The following LZTS1 variants were observed in gnomAD, a reference collection of about 807,000 sequenced individuals.
LZTS1 encodes leucine zipper tumor suppressor 1, also known as leucine zipper putative tumor suppressor 1.
A neutral mutation model predicts 45.8 loss-of-function variants in LZTS1; 31 were observed. The observed-to-expected ratio is 0.68, with a 90% CI of 0.51 to 0.91. The LOEUF (loss-of-function observed/expected upper bound fraction) is 0.91, where lower values mean the gene tolerates loss of function less well. Ranked by LOEUF, LZTS1 falls within the 40% of genes least tolerant of loss-of-function variation. The pLI, the probability that LZTS1 is intolerant of heterozygous loss-of-function variation, is 0.00. For missense variants in LZTS1, 821 were observed against 788.9 expected (o/e 1.04, Z -0.49); for synonymous variants, 359 against 357.3 (o/e 1.00, Z -0.05).
At chr8:20,296,090 T>C (rs1357643088) in intron 1 of LZTS1, among the ~76,000 whole-genome samples, 3 of 152,232 alleles carry the variant, frequency 2.0e-5, no homozygotes, top group African/African-American at 7.2e-5. Context: ...GTACAGCAAG[T>C]TGAGACCAAT....
chr8:20,280,532 C>A lies in LZTS1; in HGVS notation c.-135+23208G>T, dbSNP rs919034824. 4.6e-5 allele frequency among the ~76,000 whole-genome samples: 7 copies of A among 152,182 alleles called. 1 individual carries two copies. The East Asian group carries it at 1.3e-3, about 29-fold the overall frequency. ...GGAGGCGCGTGCACATGTGTTCAGACCCCATGTCCCATTAGCAGTGAGAAC... is the reference window on the plus strand; with the variant it reads ...GGAGGCGCGTGCACATGTGTTCAGAACCCATGTCCCATTAGCAGTGAGAAC... On this transcript the variant is annotated intron_variant, in intron 1 of 3. Coordinates refer to ENST00000381569, the MANE Select transcript of LZTS1 (RefSeq NM_021020.5).
At chr8:20,270,523 G>T (rs1177335012) in intron 1 of LZTS1, among the ~76,000 whole-genome samples, 1 of 152,176 alleles carries the variant, frequency 6.6e-6, no homozygotes, top group Non-Finnish European at 1.5e-5. Context: ...AGAGTATGGC[G>T]AAGGACAGAG....
At chr8:20,263,814 A>C (rs1800295292) in intron 1 of LZTS1, among the ~76,000 whole-genome samples, 1 of 152,120 alleles carries the variant, frequency 6.6e-6, no homozygotes, top group South Asian at 2.1e-4. Flanking sequence ...GTGTCTCCCG[A>C]AGGCTCGCCT....
At chr8:20,301,210 G>C (rs917873930) in intron 1 of LZTS1, among the ~76,000 whole-genome samples, 1 of 151,578 alleles carries the variant, frequency 6.6e-6, no homozygotes, top group Non-Finnish European at 1.5e-5. Flanking sequence ...AGAAGAAACA[G>C]TGTTTCTATG....
chr8:20,286,190 G>T (rs1181659701), intron 1 of LZTS1, among the ~76,000 whole-genome samples: 1 of 152,082 alleles, frequency 6.6e-6, no homozygotes. Flanking sequence ...TCTCAACTTG[G>T]AATGAAAAGG....
rs1467104584 is a variant in LZTS1 at position 20,251,976 on chromosome 8, T to A, written c.1149+806A>T. 2.0e-5 allele frequency among the ~76,000 whole-genome samples: 3 copies of A among 152,066 alleles called. No homozygotes were observed. The East Asian group carries it at 5.8e-4, about 29-fold the overall frequency. ...CATAGCCAGGGGTTTGCGTGTAGACTGAGAGTTGGACTCTGAACTGGGGGT... is the reference window on the plus strand; with the variant it reads ...CATAGCCAGGGGTTTGCGTGTAGACAGAGAGTTGGACTCTGAACTGGGGGT... On this transcript the variant is annotated intron_variant, in intron 3 of 3. Transcript: ENST00000381569.
chr8:20,250,377 G>A lies in LZTS1; in HGVS notation c.1150-14C>T, dbSNP rs750261217. 2.5e-6 allele frequency: 4 copies of A among 1,574,388 alleles called. No homozygotes were observed. Among genetic ancestry groups the A allele is most frequent in the African/African-American group, 2.7e-5 (2 of 74,140 alleles). ...CTTCTGGCACACCTGCCGAGGGTGG[G>A]GTGGAGACAGAGTGCCAAGAGGTGA... On this transcript the variant is annotated splice_polypyrimidine_tract_variant and intron_variant, in intron 3 of 3. Coordinates refer to ENST00000381569, the MANE Select transcript of LZTS1 (RefSeq NM_021020.5).
At chr8:20,297,405 GTGTT>G (rs111674993) in intron 1 of LZTS1, among the ~76,000 whole-genome samples, 3,207 of 151,928 alleles carry the variant, frequency 0.021, 91 homozygotes, top group East Asian at 0.11. Context: ...CTACTTTATT[GTGTT>G]TGTTTGTTTG....
intron 2 of LZTS1, 36 bp from the exon 3 acceptor site, chr8:20,253,621 C>T (rs756543463): frequency 3.5e-6 from 5 of 1,411,816 alleles, no homozygotes; most frequent in Non-Finnish European, 4.6e-6. Context: ...CTCATGCCTC[C>T]CCTGCGCGCG....
intron 1 of LZTS1, among the ~76,000 whole-genome samples, chr8:20,292,166 G>A (rs1427810610): frequency 6.6e-6 from 1 of 152,248 alleles, no homozygotes; most frequent in Non-Finnish European, 1.5e-5. Flanking sequence ...ATCTTCCAGA[G>A]GAAGGTGGGA....
At position 20,291,606 on chromosome 8, in the gene LZTS1, G is replaced by A. The variant is rs190197080; in HGVS notation, c.-135+12134C>T. Among the ~76,000 whole-genome samples, 191 of 145,214 alleles carry A rather than the reference G, an allele frequency of 1.3e-3. 1 individual carries two copies. The highest frequency in any genetic ancestry group is 4.6e-3 in the African/African-American group (179 of 38,900). On this transcript the variant is annotated intron_variant, in intron 1 of 3. Transcript: ENST00000381569. Reference sequence around the variant, plus strand: ...AGGTAGCAGAGCCAGGATCTCTCTCGCCATTGTTCCATCTGCGATTGAGCA... The same window carrying A: ...AGGTAGCAGAGCCAGGATCTCTCTCACCATTGTTCCATCTGCGATTGAGCA...
chr8:20,290,665 G>A (rs1430360120), intron 1 of LZTS1, among the ~76,000 whole-genome samples: 12 of 152,180 alleles, frequency 7.9e-5, no homozygotes, highest in Non-Finnish European at 1.3e-4. Context: ...AGACTCAGCC[G>A]GATGTATGTC....
At chr8:20,272,534 AC>A (rs1479510455) in intron 1 of LZTS1, among the ~76,000 whole-genome samples, 2 of 151,540 alleles carry the variant, frequency 1.3e-5, no homozygotes, top group Admixed American at 6.6e-5. Flanking sequence ...TAGAATCAAG[AC>A]CCCCTAGCTG....
intron 1 of LZTS1, among the ~76,000 whole-genome samples, chr8:20,265,119 G>C (rs924992034): frequency 2.0e-5 from 3 of 152,204 alleles, no homozygotes. Context: ...AGGAATGGCT[G>C]GTAGGTTGCC....
At chr8:20,293,437 T>A (rs1282241703) in intron 1 of LZTS1, among the ~76,000 whole-genome samples, 1 of 152,196 alleles carries the variant, frequency 6.6e-6, no homozygotes, top group Admixed American at 6.5e-5. Context: ...CCCTTGGGGC[T>A]CTTCTCCAGC....
intron 1 of LZTS1, among the ~76,000 whole-genome samples, chr8:20,272,113 T>C (rs1002023078): frequency 6.6e-6 from 1 of 152,252 alleles, no homozygotes; most frequent in Admixed American, 6.5e-5. Context: ...TCTGCCTTAA[T>C]AGAATCATGT....
At chr8:20,257,732 T>G (rs1262479785) in intron 1 of LZTS1, among the ~76,000 whole-genome samples, 2 of 150,836 alleles carry the variant, frequency 1.3e-5, no homozygotes, top group Non-Finnish European at 3.0e-5. Flanking sequence ...TGCAGTGGCA[T>G]GATCTTGGCT....
At chr8:20,266,093 G>A (rs1241640591) in intron 1 of LZTS1, among the ~76,000 whole-genome samples, 1 of 151,386 alleles carries the variant, frequency 6.6e-6, no homozygotes, top group Non-Finnish European at 1.5e-5. Context: ...TGCAATTGTA[G>A]CCCACTGCAA....
At chr8:20,303,526 C>T (rs544663652) in intron 1 of LZTS1, among the ~76,000 whole-genome samples, 11 of 152,198 alleles carry the variant, frequency 7.2e-5, no homozygotes, top group African/African-American at 2.7e-4. Flanking sequence ...TCCTCTGGGC[C>T]GGGCCGGAGA....
Sources: allele counts gnomAD v4.1 joint callset (sites outside exome capture counted in the v4.1 genomes callset), GRCh38; gene constraint gnomAD v4.1.1; transcripts MANE v1.5; gene names NCBI Gene and HGNC (gene_info 2026-07-23, HGNC 2026-07-21).